ZNF532: variants seen among roughly 807,000 people sequenced by gnomAD.
The protein encoded by ZNF532 is zinc finger protein 532.
In ZNF532, 22 loss-of-function variants were observed where a neutral mutation model predicts 89.3. The observed-to-expected ratio is 0.25, with a 90% CI of 0.18 to 0.35. The LOEUF is 0.35. Among genes scored for constraint, ZNF532 ranks in the 10% least tolerant of loss-of-function variants. The probability of loss-of-function intolerance (pLI) is 1.00; values close to 1 mark genes in which losing one functional copy is unlikely to be tolerated. For synonymous variants in ZNF532, 606 were observed against 649.6 expected (o/e 0.93, Z 1.02); for missense variants, 1,132 against 1,643.4 (o/e 0.69, Z 5.38).
chr18:58,976,474 A>G (rs2067065542), intron 7 of ZNF532, among the ~76,000 whole-genome samples: 1 of 152,196 alleles, frequency 6.6e-6, no homozygotes, highest in Non-Finnish European at 1.5e-5. Context: ...ATTGTTAGAA[A>G]GATACATTTT....
chr18:58,920,965 G>A (rs1160691666), intron 3 of ZNF532, among the ~76,000 whole-genome samples: 1 of 152,020 alleles, frequency 6.6e-6, no homozygotes, highest in African/African-American at 2.4e-5. Context: ...GCGTGTGCCT[G>A]TTGCGCCAGC....
At chr18:58,884,576 TA>T (rs2058154188) in intron 2 of ZNF532, among the ~76,000 whole-genome samples, 1 of 152,218 alleles carries the variant, frequency 6.6e-6, no homozygotes, top group South Asian at 2.1e-4. Context: ...ACTTCTAATG[TA>T]GGAAATCAAT....
chr18:58,956,240 T>C (rs1231450725), intron 7 of ZNF532, among the ~76,000 whole-genome samples: 3 of 152,240 alleles, frequency 2.0e-5, no homozygotes, highest in Non-Finnish European at 4.4e-5. Flanking sequence ...GCCCTTGGTT[T>C]TGATGGAGAT....
chr18:58,983,873 C>T, intron 9 of ZNF532, 99 bp from the exon 10 acceptor site: 1 of 1,461,624 alleles, frequency 6.8e-7, no homozygotes, highest in Non-Finnish European at 9.2e-7. Context: ...GCGTTCAGCA[C>T]AAGTTTTCCT....
At chr18:58,926,800 A>G (rs1217939172) in intron 3 of ZNF532, among the ~76,000 whole-genome samples, 1 of 151,040 alleles carries the variant, frequency 6.6e-6, no homozygotes, top group Non-Finnish European at 1.5e-5. Flanking sequence ...GAACTCAGTT[A>G]TTGGTTTCAG....
chr18:58,902,813 C>G (rs1166933996), intron 2 of ZNF532, among the ~76,000 whole-genome samples: 1 of 151,912 alleles, frequency 6.6e-6, no homozygotes, highest in Admixed American at 6.6e-5. Context: ...TTCTAGTGGC[C>G]GATACCTAGA....
intron 4 of ZNF532, among the ~76,000 whole-genome samples, chr18:58,935,889 T>C (rs1197703905): frequency 1.3e-5 from 2 of 152,108 alleles, no homozygotes; most frequent in Non-Finnish European, 2.9e-5. Flanking sequence ...AAAAATGAAG[T>C]CCAGTTGGCA....
rs539525388 is a variant in ZNF532 at position 58,928,265 on chromosome 18, G to C, written c.2347-6168G>C. Among the ~76,000 whole-genome samples the C allele has an allele frequency of 2.0e-5, 3 of 152,226 alleles. No individual in the cohort carries two copies. The South Asian group carries it at 6.2e-4, about 32-fold the overall frequency. On this transcript the variant is annotated intron_variant, in intron 3 of 9. Coordinates refer to ENST00000591808, the MANE Select transcript of ZNF532 (RefSeq NM_001375912.1). ...TGCCTTTAGCCTTCTGAGACTGCCA[G>C]TATGCCATGGGTTAAAGGAAGGTTT...
chr18:58,960,052 C>T (rs970009778), intron 7 of ZNF532, among the ~76,000 whole-genome samples: 3 of 152,192 alleles, frequency 2.0e-5, no homozygotes, highest in Non-Finnish European at 2.9e-5. Context: ...GATTCTCCTG[C>T]CTCAGCCTCC....
intron 2 of ZNF532, among the ~76,000 whole-genome samples, chr18:58,869,382 A>T (rs1287489315): frequency 6.6e-6 from 1 of 152,248 alleles, no homozygotes; most frequent in African/African-American, 2.4e-5. Flanking sequence ...ACTAATCAGA[A>T]TTAGCCAAAA....
At chr18:58,888,923 G>T (rs2058695978) in intron 2 of ZNF532, among the ~76,000 whole-genome samples, 2 of 91,202 alleles carry the variant, frequency 2.2e-5, no homozygotes, top group African/African-American at 4.3e-5. Context: ...AATTCATACA[G>T]GCTGAGTATC....
rs553179091 is a variant in ZNF532 at position 58,965,122 on chromosome 18, G to T, written c.3150+11323G>T. Among the ~76,000 whole-genome samples, 6 of 151,932 alleles carry T rather than the reference G, an allele frequency of 3.9e-5. No individual in the cohort carries two copies. In the South Asian group the frequency reaches 1.0e-3, roughly 26 times the overall value. ...TGAAGTCCTCCACTTGATTTAATAA[G>T]AACTTTTTTTAATGTAAGGCTATAA... On this transcript the variant is annotated intron_variant, in intron 7 of 9. Coordinates refer to ENST00000591808, the MANE Select transcript of ZNF532 (RefSeq NM_001375912.1).
chr18:58,962,442 C>G (rs1273178103), intron 7 of ZNF532, among the ~76,000 whole-genome samples: 1 of 152,124 alleles, frequency 6.6e-6, no homozygotes, highest in Non-Finnish European at 1.5e-5. Flanking sequence ...CGAAACAGAA[C>G]TTCTAGGAAG....
intron 3 of ZNF532, chr18:58,934,148 A>C: frequency 3.3e-6 from 1 of 303,714 alleles, no homozygotes; most frequent in Non-Finnish European, 6.1e-6. Flanking sequence ...TCTTTGCCCT[A>C]AGCAAAATGC....
At chr18:58,895,715 C>T (rs1766956834) in intron 2 of ZNF532, among the ~76,000 whole-genome samples, 1 of 152,116 alleles carries the variant, frequency 6.6e-6, no homozygotes, top group Non-Finnish European at 1.5e-5. Flanking sequence ...AATCGGGGCT[C>T]CCCACCCCTC....
intron 2 of ZNF532, among the ~76,000 whole-genome samples, chr18:58,866,640 A>C (rs894499553): frequency 6.6e-6 from 1 of 152,174 alleles, no homozygotes; most frequent in African/African-American, 2.4e-5. Context: ...TGTTCAGCAG[A>C]ATAGGGGCTT....
At chr18:58,980,964 T>G in intron 8 of ZNF532, 1 of 156,710 alleles carries the variant, frequency 6.4e-6, no homozygotes, top group South Asian at 1.9e-4. Context: ...AAACTATCTT[T>G]GGCCTGCTTT....
At position 58,918,320 on chromosome 18, in the gene ZNF532, T is replaced by C. The variant is rs941424729; in HGVS notation, c.33T>C (p.Phe11=). 6 of 1,614,094 alleles carry C rather than the reference T, an allele frequency of 3.7e-6. No homozygotes were observed. The highest frequency in any genetic ancestry group is 2.2e-5 in the East Asian group (1 of 44,886). Residue 11 remains phenylalanine, a synonymous_variant, in exon 3 of 10, where the codon TTT becomes TTC. Coordinates refer to ENST00000591808, the MANE Select transcript of ZNF532 (RefSeq NM_001375912.1). MTMGDMKTPD[F]DDLLAAFDIP... ...TGGGGGATATGAAGACCCCAGACTT[T>C]GATGACCTCCTGGCAGCATTTGACA... is the stretch of plus-strand genomic sequence containing the variant.
Position 58,885,523 on chromosome 18 carries a change from T to C in ZNF532, c.-18+19944T>C, listed in dbSNP as rs529612884. 1.5e-3 allele frequency among the ~76,000 whole-genome samples: 230 copies of C among 152,278 alleles called. 2 individuals carry two copies. The highest frequency in any genetic ancestry group is 2.6e-3 in the Non-Finnish European group (177 of 68,012). On this transcript the variant is annotated intron_variant, in intron 2 of 9. Transcript: ENST00000591808. ...TTTTGAAAATGCAAACCTACACTTA[T>C]GTGGATGAATTTTGAAAAAATTCTT...
Sources: gnomAD v4.1 joint callset for allele counts (sites outside exome capture counted in the v4.1 genomes callset) on GRCh38, gnomAD v4.1.1 for gene constraint, MANE v1.5 for transcripts, NCBI Gene and HGNC (gene_info 2026-07-23, HGNC 2026-07-21) for gene names.